Variants in TRIM24 observed in about 807,000 individuals in gnomAD.
The protein encoded by TRIM24 is transcription intermediary factor 1-alpha.
In TRIM24, 29 loss-of-function variants were observed where a neutral mutation model predicts 123.9. The observed-to-expected ratio is 0.23, with a 90% CI of 0.17 to 0.32. TRIM24 has a LOEUF of 0.32. Ranked by LOEUF, TRIM24 falls within the 10% of genes least tolerant of loss-of-function variation. The pLI, the probability that TRIM24 is intolerant of heterozygous loss-of-function variation, is 1.00. For missense variants in TRIM24, 932 were observed against 1,295.3 expected, an observed-to-expected ratio of 0.72 and a Z score of 4.31; for synonymous variants, 456 against 461.1, an observed-to-expected ratio of 0.99 and a Z score of 0.14.
At chr7:138,499,340 T>G (rs1795980423) in intron 1 of TRIM24, among the ~76,000 whole-genome samples, 1 of 152,332 alleles carries the variant, frequency 6.6e-6, no homozygotes, top group South Asian at 2.1e-4. Context: ...TTGGGCTGTA[T>G]TTTTACTACT....
chr7:138,547,332 G>T (rs148179577), intron 7 of TRIM24, among the ~76,000 whole-genome samples: 5 of 152,230 alleles, frequency 3.3e-5, no homozygotes, highest in Admixed American at 2.6e-4. Flanking sequence ...TACGACATGA[G>T]ACCTAGAATT....
chr7:138,533,164 G>A (rs545691933), intron 6 of TRIM24, among the ~76,000 whole-genome samples: 85 of 152,308 alleles, frequency 5.6e-4, no homozygotes, highest in Admixed American at 2.5e-3. Flanking sequence ...TGCAAACAGG[G>A]ACAATTTGAC....
chr7:138,526,368 T>G (rs1266945016), intron 5 of TRIM24, among the ~76,000 whole-genome samples: 1 of 152,202 alleles, frequency 6.6e-6, no homozygotes, highest in Non-Finnish European at 1.5e-5. Context: ...CTGTTTATTA[T>G]TATGCATTAT....
intron 1 of TRIM24, 56 bp from the exon 2 acceptor site, chr7:138,504,234 G>T (rs1796100557): frequency 4.3e-6 from 5 of 1,171,636 alleles, no homozygotes; most frequent in South Asian, 1.7e-5. Context: ...AGATGTATTG[G>T]TTAAGTACTC....
At chr7:138,528,767 T>G (rs1221128458) in intron 5 of TRIM24, among the ~76,000 whole-genome samples, 1 of 81,920 alleles carries the variant, frequency 1.2e-5, no homozygotes, top group Non-Finnish European at 2.5e-5. Flanking sequence ...TTATAAATCC[T>G]TTTTGGTCCA....
chr7:138,534,896 C>T (rs1796832507), intron 6 of TRIM24, among the ~76,000 whole-genome samples: 1 of 152,126 alleles, frequency 6.6e-6, no homozygotes, highest in South Asian at 2.1e-4. Context: ...AATCTGGGTG[C>T]TCCTGTATTG....
chr7:138,536,267 G>A (rs968676082), intron 6 of TRIM24, among the ~76,000 whole-genome samples: 4 of 152,168 alleles, frequency 2.6e-5, no homozygotes, highest in African/African-American at 4.8e-5. Context: ...TAGGAGCTGC[G>A]TTCCTTTGGA....
intron 14 of TRIM24, among the ~76,000 whole-genome samples, chr7:138,578,559 TGTGTGC>T (rs769238521): frequency 5.8e-4 from 56 of 96,072 alleles, no homozygotes; most frequent in African/African-American, 1.8e-3. Flanking sequence ...TGTGTGTGTG[TGTGTGC>T]GCGCACGCAC....
Position 138,541,410 on chromosome 7 carries a change from G to A in TRIM24, c.1143+2607G>A, listed in dbSNP as rs577773713. 7.2e-5 allele frequency among the ~76,000 whole-genome samples: 11 copies of A among 152,226 alleles called. No individual in the cohort carries two copies. The South Asian group carries it at 8.3e-4, about 11-fold the overall frequency. ...TCATATATTTCCATGAGAGCTCTTGGGTGACCAGTTGTATTTGTCAATGAG... is the reference window on the plus strand; with the variant it reads ...TCATATATTTCCATGAGAGCTCTTGAGTGACCAGTTGTATTTGTCAATGAG... On this transcript the variant is annotated intron_variant, in intron 7 of 18. Coordinates refer to ENST00000343526, the MANE Select transcript of TRIM24 (RefSeq NM_015905.3).
At chr7:138,487,860 A>G (rs1371394622) in intron 1 of TRIM24, among the ~76,000 whole-genome samples, 1 of 152,216 alleles carries the variant, frequency 6.6e-6, no homozygotes, top group East Asian at 1.9e-4. Context: ...TGGCCTCATA[A>G]AATGAGATAG....
At chr7:138,555,215 ATGTT>A (rs1797290910) in intron 9 of TRIM24, among the ~76,000 whole-genome samples, 1 of 152,136 alleles carries the variant, frequency 6.6e-6, no homozygotes, top group Admixed American at 6.5e-5. Context: ...TGAAGGATAA[ATGTT>A]TGTATTCCTA....
At chr7:138,569,895 A>G (rs1352111393) in intron 10 of TRIM24, among the ~76,000 whole-genome samples, 7 of 151,764 alleles carry the variant, frequency 4.6e-5, no homozygotes, top group African/African-American at 1.7e-4. Flanking sequence ...ATTTTGTTCT[A>G]CTTGCCTTAT....
At chr7:138,521,876 A>G (rs1796510008) in intron 4 of TRIM24, among the ~76,000 whole-genome samples, 1 of 152,206 alleles carries the variant, frequency 6.6e-6, no homozygotes, top group Non-Finnish European at 1.5e-5. Context: ...ATGAGTTGTA[A>G]ATTTATACAG....
chr7:138,495,677 G>T (rs895896100), intron 1 of TRIM24, among the ~76,000 whole-genome samples: 2 of 151,998 alleles, frequency 1.3e-5, no homozygotes, highest in East Asian at 3.9e-4. Context: ...CAAACTCCTG[G>T]CCTCAAGCAA....
At chr7:138,537,916 C>T (rs564268602) in intron 6 of TRIM24, among the ~76,000 whole-genome samples, 1 of 152,276 alleles carries the variant, frequency 6.6e-6, no homozygotes, top group Admixed American at 6.5e-5. Context: ...CTGTTTTCCT[C>T]CTTTTTCCTT....
chr7:138,558,273 C>A (rs1487072241), intron 9 of TRIM24, among the ~76,000 whole-genome samples: 1 of 152,270 alleles, frequency 6.6e-6, no homozygotes, highest in East Asian at 1.9e-4. Context: ...TAAAGTCTTT[C>A]CTGTTGTTTC....
At chr7:138,462,994 C>T (rs192989915) in intron 1 of TRIM24, among the ~76,000 whole-genome samples, 3 of 149,786 alleles carry the variant, frequency 2.0e-5, no homozygotes, top group Middle Eastern at 3.6e-3. Context: ...CTCAGCCTCC[C>T]GAGTAGCTGG....
chr7:138,564,988 G>A (rs867366836), intron 9 of TRIM24, among the ~76,000 whole-genome samples: 61 of 152,152 alleles, frequency 4.0e-4, no homozygotes, highest in Middle Eastern at 3.4e-3. Context: ...ACTTAGCATT[G>A]GAGGCTCTGT....
chr7:138,582,080 G>A (rs1008795720), intron 17 of TRIM24, among the ~76,000 whole-genome samples: 13 of 151,764 alleles, frequency 8.6e-5, no homozygotes, highest in Admixed American at 2.6e-4. Flanking sequence ...CGAAGCTGTT[G>A]GAAAAAAAAC....
Sources: gnomAD v4.1 joint callset for allele counts (sites outside exome capture counted in the v4.1 genomes callset) on GRCh38, gnomAD v4.1.1 for gene constraint, MANE v1.5 for transcripts, NCBI Gene and HGNC (gene_info 2026-07-23, HGNC 2026-07-21) for gene names.